GRM8: variants seen among roughly 807,000 people sequenced by gnomAD.
GRM8 encodes the protein glutamate metabotropic receptor 8, also known as metabotropic glutamate receptor 8.
In GRM8, 47 loss-of-function variants were observed where a neutral mutation model predicts 87.2. The ratio of observed to expected loss-of-function variants is 0.54; its 90% confidence interval spans 0.43 to 0.69. GRM8 has a LOEUF of 0.69. GRM8 is among the 30% of genes least tolerant of loss of function. The pLI, the probability that GRM8 is intolerant of heterozygous loss-of-function variation, is 0.00. For synonymous variants in GRM8, 396 were observed against 404.5 expected, an observed-to-expected ratio of 0.98 and a Z score of 0.25; for missense variants, 1,019 against 1,139.2, an observed-to-expected ratio of 0.89 and a Z score of 1.52.
chr7:127,218,015 C>CA (rs1796679469), intron 2 of GRM8, among the ~76,000 whole-genome samples: 1 of 152,206 alleles, frequency 6.6e-6, no homozygotes, highest in African/African-American at 2.4e-5. Flanking sequence ...TCCAACCCCC[C>CA]AGAGCCACTG....
intron 9 of GRM8, among the ~76,000 whole-genome samples, chr7:126,449,884 G>A (rs1802425141): frequency 2.6e-5 from 4 of 151,780 alleles, no homozygotes; most frequent in Admixed American, 2.6e-4. Flanking sequence ...CTAACACCCA[G>A]AGGATGGGGA....
chr7:126,459,726 G>A (rs1288668754), intron 9 of GRM8, among the ~76,000 whole-genome samples: 1 of 151,446 alleles, frequency 6.6e-6, no homozygotes, highest in East Asian at 2.0e-4. Flanking sequence ...TATCTCTGGG[G>A]AGCCTGGATA....
chr7:126,622,882 C>T (rs201448541), intron 7 of GRM8, among the ~76,000 whole-genome samples: 2 of 152,118 alleles, frequency 1.3e-5, no homozygotes, highest in East Asian at 1.9e-4. Context: ...AACCTCATTC[C>T]TCCACTGATG....
At chr7:126,551,983 G>T (rs1480976235) in intron 8 of GRM8, among the ~76,000 whole-genome samples, 2 of 152,006 alleles carry the variant, frequency 1.3e-5, no homozygotes, top group Non-Finnish European at 2.9e-5. Context: ...CACATAAAAT[G>T]CCCATATGAA....
At chr7:126,649,841 C>A (rs984987853) in intron 7 of GRM8, among the ~76,000 whole-genome samples, 4 of 152,184 alleles carry the variant, frequency 2.6e-5, no homozygotes, top group Admixed American at 2.6e-4. Flanking sequence ...GGCTGCTGTG[C>A]AAGCTGCTCT....
chr7:126,560,966 C>T (rs962962214), intron 8 of GRM8, among the ~76,000 whole-genome samples: 16 of 152,154 alleles, frequency 1.1e-4, no homozygotes, highest in Non-Finnish European at 1.9e-4. Flanking sequence ...AAACATTTGA[C>T]GTTCAATACT....
At chr7:127,067,047 A>T (rs1821181364) in intron 3 of GRM8, among the ~76,000 whole-genome samples, 1 of 152,144 alleles carries the variant, frequency 6.6e-6, no homozygotes, top group South Asian at 2.1e-4. Flanking sequence ...TGTCTCTTGT[A>T]CCAGTATTCA....
At chr7:126,577,618 A>T (rs1795232824) in intron 8 of GRM8, among the ~76,000 whole-genome samples, 1 of 152,182 alleles carries the variant, frequency 6.6e-6, no homozygotes. Flanking sequence ...ACCACAGAAA[A>T]CTCAGCTGCC....
chr7:127,038,018 G>T (rs181131666), intron 3 of GRM8, among the ~76,000 whole-genome samples: 135 of 152,232 alleles, frequency 8.9e-4, no homozygotes, highest in Non-Finnish European at 1.7e-3. Context: ...TATCATTTTT[G>T]ACTATTAATT....
At chr7:127,194,623 C>T (rs1464812890) in intron 2 of GRM8, among the ~76,000 whole-genome samples, 1 of 152,064 alleles carries the variant, frequency 6.6e-6, no homozygotes, top group Non-Finnish European at 1.5e-5. Flanking sequence ...GGCCCCATTC[C>T]AACAAAACCC....
chr7:127,025,746 T>C (rs898427977), intron 3 of GRM8, among the ~76,000 whole-genome samples: 4 of 152,122 alleles, frequency 2.6e-5, no homozygotes, highest in Non-Finnish European at 5.9e-5. Context: ...CTATTTTCTC[T>C]ATTAGCTGTA....
chr7:126,918,382 T>C (rs1804155012), intron 3 of GRM8, among the ~76,000 whole-genome samples: 1 of 152,190 alleles, frequency 6.6e-6, no homozygotes, highest in Admixed American at 6.5e-5. Flanking sequence ...TTAAATATGA[T>C]GTAATAAACA....
chr7:127,142,437 T>C (rs934941735), intron 2 of GRM8, among the ~76,000 whole-genome samples: 1 of 152,130 alleles, frequency 6.6e-6, no homozygotes, highest in Non-Finnish European at 1.5e-5. Flanking sequence ...CAAAGCCAAT[T>C]TCTCCCAGTG....
chr7:127,088,644 C>T (rs929941119), intron 3 of GRM8, among the ~76,000 whole-genome samples: 8 of 152,166 alleles, frequency 5.3e-5, no homozygotes, highest in African/African-American at 1.4e-4. Flanking sequence ...CTACGTAGAA[C>T]GCAGTGGTGT....
intron 6 of GRM8, among the ~76,000 whole-genome samples, chr7:126,825,840 A>C (rs1794721803): frequency 6.6e-6 from 1 of 151,828 alleles, no homozygotes; most frequent in Non-Finnish European, 1.5e-5. Context: ...ATTTAGCATT[A>C]GGTATATCTC....
At chr7:127,248,543 A>C (rs1044923228) in intron 1 of GRM8, among the ~76,000 whole-genome samples, 1 of 152,192 alleles carries the variant, frequency 6.6e-6, no homozygotes, top group Non-Finnish European at 1.5e-5. Context: ...TACTCACTGT[A>C]TAGCACTGGG....
intron 6 of GRM8, chr7:126,869,097 T>C (rs780131967): frequency 6.6e-6 from 1 of 152,222 alleles, no homozygotes; most frequent in Non-Finnish European, 1.5e-5. Context: ...CATAGCATCT[T>C]CATGGGAAAT....
At chr7:126,486,267 T>C (rs1395932822) in intron 9 of GRM8, among the ~76,000 whole-genome samples, 1 of 152,086 alleles carries the variant, frequency 6.6e-6, no homozygotes, top group Non-Finnish European at 1.5e-5. Context: ...TGCCTCACCT[T>C]TTGACATATA....
intron 8 of GRM8, among the ~76,000 whole-genome samples, chr7:126,593,998 C>G (rs1310211115): frequency 6.6e-6 from 1 of 151,782 alleles, no homozygotes; most frequent in Non-Finnish European, 1.5e-5. Context: ...GAAAAAACGC[C>G]CAACATCACA....
Sources: allele counts gnomAD v4.1 joint callset (sites outside exome capture counted in the v4.1 genomes callset), GRCh38; gene constraint gnomAD v4.1.1; transcripts MANE v1.5; gene names NCBI Gene and HGNC (gene_info 2026-07-23, HGNC 2026-07-21).